The following PRIM2 variants were observed in gnomAD, a reference collection of about 807,000 sequenced individuals.
PRIM2 encodes DNA primase subunit 2, also known as DNA primase large subunit.
PRIM2 carries 39 observed loss-of-function variants against 67.3 expected under a neutral mutation model. The observed-to-expected ratio is 0.58, with a 90% CI of 0.45 to 0.76. The LOEUF (loss-of-function observed/expected upper bound fraction) is 0.76, where lower values mean the gene tolerates loss of function less well. Ranked by LOEUF, PRIM2 falls within the 30% of genes least tolerant of loss-of-function variation. PRIM2 has a pLI of 0.00. For missense variants in PRIM2, 398 were observed against 598.7 expected (o/e 0.66, Z 3.50); for synonymous variants, 143 against 198.7 (o/e 0.72, Z 2.36).
intron 7 of PRIM2, among the ~76,000 whole-genome samples, chr6:57,391,827 T>A (rs1395424752): frequency 6.6e-6 from 1 of 152,192 alleles, no homozygotes; most frequent in African/African-American, 2.4e-5. Flanking sequence ...CTGCTTAGGA[T>A]TGCCTTGGCT....
At chr6:57,427,171 T>A (rs1273026688) in intron 7 of PRIM2, among the ~76,000 whole-genome samples, 2 of 152,230 alleles carry the variant, frequency 1.3e-5, no homozygotes, top group African/African-American at 4.8e-5. Flanking sequence ...TCCTGTATTT[T>A]TTCAGTCTTA....
chr6:57,451,503 C>T (rs1772549314), intron 7 of PRIM2, among the ~76,000 whole-genome samples: 2 of 152,046 alleles, frequency 1.3e-5, no homozygotes. Context: ...TTGGATTCAC[C>T]ATAAAATTTT....
chr6:57,383,828 G>C (rs1378687419), intron 7 of PRIM2, among the ~76,000 whole-genome samples: 1 of 152,164 alleles, frequency 6.6e-6, no homozygotes, highest in African/African-American at 2.4e-5. Flanking sequence ...GGATAATGAA[G>C]TTTTAATTTT....
intron 3 of PRIM2, among the ~76,000 whole-genome samples, chr6:57,322,523 A>C (rs1180742013): frequency 6.6e-6 from 1 of 152,088 alleles, no homozygotes; most frequent in Non-Finnish European, 1.5e-5. Context: ...TGGTTTTATA[A>C]GGGGCTTTTC....
At chr6:57,643,516 T>C (rs1777282707) in intron 13 of PRIM2, among the ~76,000 whole-genome samples, 1 of 152,208 alleles carries the variant, frequency 6.6e-6, no homozygotes, top group South Asian at 2.1e-4. Flanking sequence ...CCCCAAGGTC[T>C]TTCTAATCTC....
the PRIM2 span, among the ~76,000 whole-genome samples, chr6:57,251,714 T>C: frequency 2.0e-5 from 3 of 152,366 alleles, no homozygotes; most frequent in Admixed American, 2.0e-4. Context: ...CAGACATTTT[T>C]ACTTCATATA....
At chr6:57,613,359 G>T (rs1776699136) in intron 12 of PRIM2, among the ~76,000 whole-genome samples, 1 of 152,108 alleles carries the variant, frequency 6.6e-6, no homozygotes, top group African/African-American at 2.4e-5. Flanking sequence ...ATGTACTTCA[G>T]TTTTTTTCCT....
At chr6:57,230,284 T>A in the PRIM2 span, among the ~76,000 whole-genome samples, 3 of 152,228 alleles carry the variant, frequency 2.0e-5, no homozygotes, top group Non-Finnish European at 4.4e-5. Flanking sequence ...CTTGTTTTTA[T>A]GTCTGTGTCT....
the PRIM2 span, among the ~76,000 whole-genome samples, chr6:57,256,651 C>CAT: frequency 1.3e-5 from 2 of 149,458 alleles, no homozygotes; most frequent in African/African-American, 4.9e-5. Flanking sequence ...CACACACACA[C>CAT]ACACACACAC....
chr6:57,240,963 G>T, the PRIM2 span, among the ~76,000 whole-genome samples: 1 of 151,846 alleles, frequency 6.6e-6, no homozygotes. Flanking sequence ...AGTGACTCAA[G>T]CCTGTAATCC....
chr6:57,436,357 T>C (rs1349077049), intron 7 of PRIM2, among the ~76,000 whole-genome samples: 2 of 152,196 alleles, frequency 1.3e-5, no homozygotes, highest in East Asian at 3.8e-4. Flanking sequence ...ATAATGTGAT[T>C]TGTCAGTTGT....
intron 7 of PRIM2, among the ~76,000 whole-genome samples, chr6:57,505,530 T>G (rs1774231998): frequency 6.6e-6 from 1 of 152,208 alleles, no homozygotes; most frequent in African/African-American, 2.4e-5. Flanking sequence ...AAATGTCTGA[T>G]GAAAGACTGA....
At chr6:57,226,630 G>T in the PRIM2 span, among the ~76,000 whole-genome samples, 1 of 152,216 alleles carries the variant, frequency 6.6e-6, no homozygotes, top group African/African-American at 2.4e-5. Context: ...CACAGACTAG[G>T]AGATCCACTG....
chr6:57,311,183 AGG>A (rs1767376715), upstream of PRIM2, among the ~76,000 whole-genome samples: 1 of 144,876 alleles, frequency 6.9e-6, no homozygotes, highest in African/African-American at 2.6e-5. Context: ...GGCCGGGCAG[AGG>A]CGCCCCTCAC....
intron 7 of PRIM2, among the ~76,000 whole-genome samples, chr6:57,460,152 G>A (rs74318183): frequency 0.097 from 14,613 of 151,118 alleles, 778 homozygotes; most frequent in African/African-American, 0.13. Context: ...CAGACCAGGG[G>A]TCTATTTTTT....
chr6:57,604,128 G>A (rs1409672999), intron 11 of PRIM2, among the ~76,000 whole-genome samples: 99 of 152,200 alleles, frequency 6.5e-4, no homozygotes, highest in African/African-American at 2.3e-3. Context: ...CCAACATGGT[G>A]AAACCTCATT....
chr6:57,228,668 TTATTGGGC>T, the PRIM2 span, among the ~76,000 whole-genome samples: 1 of 152,144 alleles, frequency 6.6e-6, no homozygotes, highest in Non-Finnish European at 1.5e-5. Context: ...CCAGCCAACG[TTATTGGGC>T]TCTTACAACT....
intron 5 of PRIM2, among the ~76,000 whole-genome samples, chr6:57,375,969 G>A (rs1359605267): frequency 3.9e-5 from 6 of 151,964 alleles, no homozygotes; most frequent in Admixed American, 6.6e-5. Context: ...CACTTTGAGA[G>A]GGCAAGGGAG....
chr6:57,270,477 T>A, the PRIM2 span, among the ~76,000 whole-genome samples: 1 of 152,228 alleles, frequency 6.6e-6, no homozygotes, highest in African/African-American at 2.4e-5. Context: ...ACATTGATTT[T>A]GTATCCTGAG....
Sources: allele counts gnomAD v4.1 joint callset (sites outside exome capture counted in the v4.1 genomes callset), GRCh38; gene constraint gnomAD v4.1.1; transcripts MANE v1.5; gene names NCBI Gene and HGNC (gene_info 2026-07-23, HGNC 2026-07-21).